Variants in CBFB observed in about 807,000 individuals in gnomAD.
CBFB encodes core-binding factor subunit beta.
CBFB carries 9 observed loss-of-function variants against 30.4 expected under a neutral mutation model. The observed-to-expected ratio is 0.30, with a 90% CI of 0.18 to 0.52. The LOEUF (loss-of-function observed/expected upper bound fraction) is 0.52, where lower values mean the gene tolerates loss of function less well. CBFB is among the 20% of genes least tolerant of loss of function. The probability of loss-of-function intolerance (pLI) is 0.97; values close to 1 mark genes in which losing one functional copy is unlikely to be tolerated. For synonymous variants in CBFB, 94 were observed against 84.0 expected (o/e 1.12, Z -0.65); for missense variants, 170 against 244.0 (o/e 0.70, Z 2.02).
intron 3 of CBFB, among the ~76,000 whole-genome samples, chr16:67,051,509 TA>T (rs1221699526): frequency 1.3e-5 from 2 of 151,852 alleles, no homozygotes; most frequent in African/African-American, 4.8e-5. Flanking sequence ...CACATACATA[TA>T]TGGATCCAGT....
intron 5 of CBFB, among the ~76,000 whole-genome samples, chr16:67,096,439 A>G (rs1268911622): frequency 6.6e-6 from 1 of 151,986 alleles, no homozygotes; most frequent in East Asian, 1.9e-4. Context: ...ATAACCACAT[A>G]TTAGAACTTG....
At chr16:67,076,489 C>A (rs759596002) in intron 4 of CBFB, among the ~76,000 whole-genome samples, 1 of 152,234 alleles carries the variant, frequency 6.6e-6, no homozygotes, top group African/African-American at 2.4e-5. Context: ...CCATTTATTT[C>A]TTTTTATAGA....
At chr16:67,060,374 A>C (rs1048224087) in intron 3 of CBFB, among the ~76,000 whole-genome samples, 19 of 152,174 alleles carry the variant, frequency 1.2e-4, no homozygotes, top group Non-Finnish European at 1.3e-4. Flanking sequence ...GGAGTTCTGC[A>C]ACCATCATTA....
Position 67,066,741 on chromosome 16 carries a change from T to G in CBFB, c.342T>G (p.Ile114Met). The change falls in exon 4 of 6, where the codon ATT becomes ATG. Residue 114 changes from isoleucine to methionine, a missense_variant. Coordinates refer to ENST00000412916, the MANE Select transcript of CBFB (RefSeq NM_022845.3). ...NGVCVIWKGW[I>M]DLQRLDGMGC... The stretch of plus-strand genomic sequence containing the variant: ...TCTGTGTTATCTGGAAAGGCTGGAT[T>G]GATCTCCAAAGACTGGATGGTATGG... 4 of 1,611,020 alleles carry G rather than the reference T, an allele frequency of 2.5e-6. No individual in the cohort carries two copies. The highest frequency in any genetic ancestry group is 3.4e-6 in the Non-Finnish European group (4 of 1,179,126).
At chr16:67,049,723 T>G (rs1966705809) in intron 3 of CBFB, among the ~76,000 whole-genome samples, 1 of 152,094 alleles carries the variant, frequency 6.6e-6, no homozygotes, top group Non-Finnish European at 1.5e-5. Context: ...CTGGCTGGGT[T>G]CAAGTGATCC....
intron 4 of CBFB, among the ~76,000 whole-genome samples, chr16:67,074,386 CT>C (rs34186310): frequency 0.2 from 27,516 of 137,992 alleles, 6,235 homozygotes; most frequent in African/African-American, 0.6. Flanking sequence ...AACAGTAAAG[CT>C]TTTTTTTTTT....
At chr16:67,036,853 AC>A (rs1966447622) in intron 3 of CBFB, 98 bp downstream of exon 3, 1 of 754,290 alleles carries the variant, frequency 1.3e-6, no homozygotes, top group African/African-American at 1.7e-5. Flanking sequence ...ATCTGATTAT[AC>A]CAGCATATGC....
In CBFB at chr16:67,092,724, T is replaced by G. The variant is rs1411894825; in HGVS notation, c.496-5986T>G. 1.3e-4 allele frequency among the ~76,000 whole-genome samples: 18 copies of G among 135,002 alleles called. No individual in the cohort carries two copies. The South Asian group carries it at 3.6e-3, about 27-fold the overall frequency. The allele number at this position is 135,002 out of a possible 152,430, so 88.6% of individuals were successfully genotyped here. The stretch of plus-strand genomic sequence containing the variant: ...TTTTTTTTTTTTTTTTTTTTTTTTT[T>G]TTTTTTGAGATAAAGTTTCACTCTG... On this transcript the variant is annotated intron_variant, in intron 5 of 5. Transcript: ENST00000412916.
intron 4 of CBFB, among the ~76,000 whole-genome samples, chr16:67,081,214 G>A (rs1041972680): frequency 6.9e-6 from 1 of 144,978 alleles, no homozygotes; most frequent in African/African-American, 2.6e-5. Context: ...ACCTATGAGT[G>A]AGAATATGCA....
At chr16:67,055,357 C>CTTTCTTTT (rs1484285498) in intron 3 of CBFB, among the ~76,000 whole-genome samples, 1 of 81,474 alleles carries the variant, frequency 1.2e-5, no homozygotes, top group African/African-American at 5.4e-5. Flanking sequence ...CAGACACTTT[C>CTTTCTTTT]TTTTTTTTTT....
At chr16:67,050,204 A>G (rs902834087) in intron 3 of CBFB, among the ~76,000 whole-genome samples, 9 of 147,876 alleles carry the variant, frequency 6.1e-5, no homozygotes, top group East Asian at 1.9e-4. Context: ...AATATATGTT[A>G]TATATATAAT....
Position 67,100,133 on chromosome 16 carries a change from A to T in CBFB, c.*1355A>T, listed in dbSNP as rs79308320. ...TGGCACCTCCTTACAAATATTTTTC[A>T]TGGTCACATTTATTAAATGTTACTA... is the stretch of plus-strand genomic sequence containing the variant. On this transcript the variant is annotated 3_prime_UTR_variant, in exon 6 of 6. Transcript: ENST00000412916. The T allele has an allele frequency of 0.016, 3,341 of 211,716 alleles. 112 individuals are homozygous for T. The highest frequency in any genetic ancestry group is 0.07 in the African/African-American group (3,092 of 44,234). The allele number at this position is 211,716 out of a possible 1,614,324, so 13.1% of individuals were successfully genotyped here.
At chr16:67,043,039 C>T (rs984720537) in intron 3 of CBFB, among the ~76,000 whole-genome samples, 1 of 152,162 alleles carries the variant, frequency 6.6e-6, no homozygotes, top group Admixed American at 6.5e-5. Context: ...CCTGGTCCAC[C>T]ATGCCTTTTA....
At chr16:67,075,504 A>G (rs1961369723) in intron 4 of CBFB, among the ~76,000 whole-genome samples, 1 of 151,958 alleles carries the variant, frequency 6.6e-6, no homozygotes, top group South Asian at 2.1e-4. Context: ...TAAGATTGGC[A>G]CAACATTTGG....
chr16:67,038,005 A>C (rs946949778), intron 3 of CBFB, among the ~76,000 whole-genome samples: 2 of 151,986 alleles, frequency 1.3e-5, no homozygotes, highest in Admixed American at 1.3e-4. Flanking sequence ...GGATTGGTTG[A>C]TTCTTGATTG....
In CBFB at chr16:67,029,482, T is replaced by C. The variant is rs1041744004; in HGVS notation, c.75T>C (p.Cys25=). ...EEFFRKLSRE[C]EIKYTGFRDR... is the part of the protein sequence containing the mutation. ...TTTTTAGGAAGCTGAGCCGCGAGTG[T>C]GAGGTGAGGCAGGCGGGCGGGCGGC... is the stretch of plus-strand genomic sequence containing the variant. Residue 25 remains cysteine, a synonymous_variant, in exon 1 of 6, where the codon TGT becomes TGC. Coordinates refer to ENST00000412916, the MANE Select transcript of CBFB (RefSeq NM_022845.3). 4 of 1,585,810 alleles carry C rather than the reference T, an allele frequency of 2.5e-6. No homozygotes were observed. Among genetic ancestry groups the C allele is most frequent in the Non-Finnish European group, 3.4e-6 (4 of 1,167,932 alleles).
intron 4 of CBFB, among the ~76,000 whole-genome samples, chr16:67,078,774 C>T (rs1350780910): frequency 1.3e-5 from 2 of 152,090 alleles, no homozygotes; most frequent in East Asian, 1.9e-4. Context: ...CTCAGCCTCC[C>T]GAGTAGCTGG....
intron 4 of CBFB, among the ~76,000 whole-genome samples, chr16:67,080,524 A>T (rs533695201): frequency 6.6e-6 from 1 of 152,274 alleles, no homozygotes; most frequent in South Asian, 2.1e-4. Context: ...AAGAGTAGAG[A>T]AGAAAGTTTA....
intron 3 of CBFB, among the ~76,000 whole-genome samples, chr16:67,043,607 G>A (rs1009980510): frequency 6.6e-6 from 1 of 152,136 alleles, no homozygotes; most frequent in Non-Finnish European, 1.5e-5. Context: ...ACTAATAACA[G>A]TATAATAGAA....
Sources: gnomAD v4.1 joint callset for allele counts (sites outside exome capture counted in the v4.1 genomes callset) on GRCh38, gnomAD v4.1.1 for gene constraint, MANE v1.5 for transcripts, NCBI Gene and HGNC (gene_info 2026-07-23, HGNC 2026-07-21) for gene names.